The following PAK1 variants were observed in gnomAD, a reference collection of about 807,000 sequenced individuals.
PAK1 encodes p21 (RAC1) activated kinase 1.
Under a neutral mutation model 67.4 loss-of-function variants are expected in PAK1, and 29 were observed. The ratio of observed to expected loss-of-function variants is 0.43; its 90% confidence interval spans 0.32 to 0.59. The LOEUF (loss-of-function observed/expected upper bound fraction) is 0.59. PAK1 is among the 20% of genes least tolerant of loss of function. The probability of loss-of-function intolerance (pLI) is 0.07; values close to 1 mark genes in which losing one functional copy is unlikely to be tolerated. For missense variants in PAK1, 337 were observed against 670.7 expected (o/e 0.50, Z 5.50); for synonymous variants, 223 against 237.4 (o/e 0.94, Z 0.56).
chr11:77,335,038 G>A lies in PAK1; in HGVS notation c.1413+1048C>T, dbSNP rs184707341. ...ATAATCTACCCTCCTCCTCCTTCGG[G>A]AAGCACACTGTTCTCTTCATCTCCA... On this transcript the variant is annotated intron_variant, in intron 13 of 14. Transcript: ENST00000356341. 1.7e-3 allele frequency among the ~76,000 whole-genome samples: 262 copies of A among 152,060 alleles called. 1 individual carries two copies. The highest frequency in any genetic ancestry group is 6.0e-3 in the African/African-American group (247 of 41,490).
chr11:77,362,063 G>A (rs1946865027), intron 5 of PAK1, among the ~76,000 whole-genome samples: 1 of 152,106 alleles, frequency 6.6e-6, no homozygotes, highest in African/African-American at 2.4e-5. Flanking sequence ...ACTTCAGATA[G>A]CATCAATTGT....
chr11:77,486,049 T>A, the PAK1 span, among the ~76,000 whole-genome samples: 2 of 152,238 alleles, frequency 1.3e-5, no homozygotes, highest in African/African-American at 2.4e-5. Flanking sequence ...CTCATTTCCT[T>A]TTAAATCCTC....
intron 1 of PAK1, among the ~76,000 whole-genome samples, chr11:77,433,883 A>G (rs1955982688): frequency 6.6e-6 from 1 of 152,264 alleles, no homozygotes; most frequent in South Asian, 2.1e-4. Flanking sequence ...TAAACACATG[A>G]AAAGATACTC....
chr11:77,456,615 A>G (rs1957088674), intron 1 of PAK1, among the ~76,000 whole-genome samples: 1 of 152,224 alleles, frequency 6.6e-6, no homozygotes, highest in African/African-American at 2.4e-5. Context: ...CTATCCTGTA[A>G]TGATAATGAT....
rs1190806018 is a variant in PAK1, at chr11:77,325,407, A to C, written c.1552-2047T>G. The C allele has an allele frequency of 1.9e-6, 3 of 1,609,416 alleles. No individual in the cohort carries two copies. The African/African-American group carries it at 4.0e-5, about 22-fold the overall frequency. On this transcript the variant is annotated intron_variant, in intron 14 of 14. Transcript: ENST00000356341. ...AAAATGAGAATAGAACCTATGACTC[A>C]CAGAGTTGTTGTAAAGGACAATATA...
At chr11:77,382,365 T>C (rs58956786) in intron 2 of PAK1, among the ~76,000 whole-genome samples, 4,902 of 152,244 alleles carry the variant, frequency 0.032, 132 homozygotes, top group African/African-American at 0.074. Context: ...ATACCTCACA[T>C]ATTCCCACCT....
At position 77,423,332 on chromosome 11, in the gene PAK1, T is replaced by TA. The variant is rs142590494; in HGVS notation, c.-21-30792dup. On this transcript the variant is annotated intron_variant, in intron 1 of 14. Coordinates refer to ENST00000356341, the MANE Select transcript of PAK1 (RefSeq NM_002576.5). ...AGGCAATCACTCTTTCCAAGTTCTT[T>TA]AAAAAAAAAAAAAACAGAATAAGAA... 6.6e-3 allele frequency among the ~76,000 whole-genome samples: 891 copies of TA among 134,336 alleles called. 4 individuals carry two copies. The highest frequency in any genetic ancestry group is 0.02 in the East Asian group (94 of 4,764). The allele number at this position is 134,336 out of a possible 152,430, so 88.1% of individuals were successfully genotyped here.
intron 13 of PAK1, among the ~76,000 whole-genome samples, chr11:77,334,638 C>T (rs958043638): frequency 2.6e-5 from 4 of 152,152 alleles, no homozygotes; most frequent in Non-Finnish European, 5.9e-5. Context: ...CTTGATCGAA[C>T]CCCTCTCATC....
the PAK1 span, among the ~76,000 whole-genome samples, chr11:77,490,320 G>A: frequency 7.0e-6 from 1 of 143,212 alleles, no homozygotes; most frequent in African/African-American, 2.8e-5. Flanking sequence ...GCCCCGTCCG[G>A]GAGGGAGGTG....
intron 1 of PAK1, among the ~76,000 whole-genome samples, chr11:77,442,673 CTG>C (rs1278040418): frequency 6.6e-6 from 1 of 152,184 alleles, no homozygotes; most frequent in African/African-American, 2.4e-5. Context: ...CCCTCAGAAA[CTG>C]TGTGAAATAA....
intron 1 of PAK1, among the ~76,000 whole-genome samples, chr11:77,431,775 C>G (rs1955871938): frequency 6.6e-6 from 1 of 152,164 alleles, no homozygotes; most frequent in African/African-American, 2.4e-5. Context: ...TAGAAGGGGT[C>G]TTAAATACCA....
chr11:77,527,867 A>G, the PAK1 span, among the ~76,000 whole-genome samples: 1 of 151,860 alleles, frequency 6.6e-6, no homozygotes, highest in Admixed American at 6.6e-5. Context: ...TCTTTTTGAG[A>G]CAGGGTCTCG....
rs201312569 is a variant in PAK1, at chr11:77,452,622, G to GA, written c.-22+20929dup. On this transcript the variant is annotated intron_variant, in intron 1 of 14. Transcript: ENST00000356341. Reference sequence around the variant, plus strand: ...CCACTCAAGCAGTAACTTTCTAAAAGAAAAAAAAAGACTGGTTATTTACAG... The same window carrying GA: ...CCACTCAAGCAGTAACTTTCTAAAAGAAAAAAAAAAGACTGGTTATTTACAG... 3.9e-3 allele frequency among the ~76,000 whole-genome samples: 583 copies of GA among 149,124 alleles called. 6 individuals carry two copies. The highest frequency in any genetic ancestry group is 0.013 in the African/African-American group (536 of 40,620).
intron 2 of PAK1, among the ~76,000 whole-genome samples, chr11:77,386,868 G>C (rs1007447983): frequency 5.9e-5 from 9 of 152,070 alleles, no homozygotes; most frequent in African/African-American, 2.2e-4. Context: ...CTGCCTCCTG[G>C]GTTCAAGCAA....
chr11:77,413,462 T>C (rs1954763642), intron 1 of PAK1, among the ~76,000 whole-genome samples: 1 of 152,138 alleles, frequency 6.6e-6, no homozygotes, highest in Admixed American at 6.5e-5. Context: ...ACCACACATC[T>C]GGTAAATGCT....
intron 1 of PAK1, among the ~76,000 whole-genome samples, chr11:77,429,093 A>AAAAAAAAAC (rs1565696611): frequency 1.9e-5 from 2 of 106,396 alleles, no homozygotes; most frequent in Non-Finnish European, 3.4e-5. Flanking sequence ...AAAAAAAAAA[A>AAAAAAAAAC]ACACACACAC....
At chr11:77,432,639 C>T (rs1380937575) in intron 1 of PAK1, among the ~76,000 whole-genome samples, 3 of 151,742 alleles carry the variant, frequency 2.0e-5, no homozygotes, top group Middle Eastern at 3.4e-3. Flanking sequence ...GCCTAGGTGG[C>T]GGAATGAGAC....
intron 11 of PAK1, among the ~76,000 whole-genome samples, chr11:77,338,990 A>T (rs1943163631): frequency 1.3e-5 from 2 of 152,090 alleles, no homozygotes; most frequent in Admixed American, 6.5e-5. Flanking sequence ...GATAAAAAGG[A>T]TCTAAAATTC....
At chr11:77,482,658 A>G in the PAK1 span, among the ~76,000 whole-genome samples, 2 of 146,800 alleles carry the variant, frequency 1.4e-5, no homozygotes, top group Non-Finnish European at 3.0e-5. Context: ...CAGTGGCATG[A>G]TCTCGTCTCA....
Sources: allele counts gnomAD v4.1 joint callset (sites outside exome capture counted in the v4.1 genomes callset), GRCh38; gene constraint gnomAD v4.1.1; transcripts MANE v1.5; gene names NCBI Gene and HGNC (gene_info 2026-07-23, HGNC 2026-07-21).